COL23A1: variants seen among roughly 807,000 people sequenced by gnomAD.
The protein encoded by COL23A1 is collagen alpha-1(XXIII) chain.
A neutral mutation model predicts 99.3 loss-of-function variants in COL23A1; 97 were observed. The observed-to-expected ratio is 0.98, with a 90% CI of 0.83 to 1.16. COL23A1 has a LOEUF of 1.16. Among genes scored for constraint, COL23A1 ranks in the 50% most tolerant of loss-of-function variants. The pLI is 0.00. For missense variants in COL23A1, 762 were observed against 757.4 expected, an observed-to-expected ratio of 1.01 and a Z score of -0.07; for synonymous variants, 320 against 308.2, an observed-to-expected ratio of 1.04 and a Z score of -0.40.
Position 178,544,961 on chromosome 5 carries a change from G to A in COL23A1, c.361+15721C>T, listed in dbSNP as rs1025418525. ...AAAATTTAGCCAGGTGTGGTGGCAC[G>A]TGCCTGTAGTCCCAGCTACTTGGGA... On this transcript the variant is annotated intron_variant, in intron 2 of 28. Coordinates refer to ENST00000390654, the MANE Select transcript of COL23A1 (RefSeq NM_173465.4). This position sits in a 1 kb window ranked among gnomAD's most constrained non-coding sequence, Gnocchi z 4.4. 2.0e-5 allele frequency among the ~76,000 whole-genome samples: 3 copies of A among 152,116 alleles called. No homozygotes were observed. The highest frequency in any genetic ancestry group is 4.1e-4 in the South Asian group (2 of 4,820).
intron 1 of COL23A1, among the ~76,000 whole-genome samples, chr5:178,566,529 A>G (rs1355118890): frequency 6.6e-6 from 1 of 152,194 alleles, no homozygotes; most frequent in Non-Finnish European, 1.5e-5. Flanking sequence ...GAAAACTCTA[A>G]GGCTGGCCAG....
rs1345431888 is a variant in COL23A1 at position 178,544,514 on chromosome 5, C to T, written c.361+16168G>A. ...CACCTGCCCCAGAAAACAGCAAGAC[C>T]GGTGGCCACCCCCGCTGTGAGTACT... On this transcript the variant is annotated intron_variant, in intron 2 of 28. Coordinates refer to ENST00000390654, the MANE Select transcript of COL23A1 (RefSeq NM_173465.4). The surrounding 1 kb of genome is among the most constrained non-coding windows in gnomAD (Gnocchi z 4.4). Among the ~76,000 whole-genome samples the T allele has an allele frequency of 1.3e-5, 2 of 152,146 alleles. No homozygotes were observed. Among genetic ancestry groups the T allele is most frequent in the East Asian group, 1.9e-4 (1 of 5,186 alleles).
intron 5 of COL23A1, among the ~76,000 whole-genome samples, chr5:178,282,106 C>G (rs1282119679): frequency 6.6e-6 from 1 of 150,822 alleles, no homozygotes; most frequent in African/African-American, 2.4e-5. Context: ...TGAGCATGCC[C>G]TGCTCCGTTC....
At chr5:178,520,564 A>G (rs1269153404) in intron 2 of COL23A1, among the ~76,000 whole-genome samples, 1 of 152,202 alleles carries the variant, frequency 6.6e-6, no homozygotes, top group Non-Finnish European at 1.5e-5. Context: ...CCCATCCATG[A>G]TCAATGAGAC....
Position 178,464,598 on chromosome 5 carries a change from C to T in COL23A1, c.361+96084G>A, listed in dbSNP as rs185116236. Among the ~76,000 whole-genome samples, 559 of 152,308 alleles carry T rather than the reference C, an allele frequency of 3.7e-3. 1 individual carries two copies. Among genetic ancestry groups the T allele is most frequent in the African/African-American group, 0.013 (543 of 41,568 alleles). On this transcript the variant is annotated intron_variant, in intron 2 of 28. Coordinates refer to ENST00000390654, the MANE Select transcript of COL23A1 (RefSeq NM_173465.4). The stretch of plus-strand genomic sequence containing the variant: ...CCAGGTTACCTGTGAAGGCTGCGGC[C>T]GTCACTCAGCCCTGACGTGGAAGTG...
chr5:178,369,483 A>G (rs1252829027), intron 2 of COL23A1, among the ~76,000 whole-genome samples: 2 of 152,190 alleles, frequency 1.3e-5, no homozygotes, highest in Non-Finnish European at 2.9e-5. Context: ...TTACAATAAT[A>G]AAGTTAGTCC....
At chr5:178,414,507 C>T (rs1765206180) in intron 2 of COL23A1, among the ~76,000 whole-genome samples, 1 of 152,076 alleles carries the variant, frequency 6.6e-6, no homozygotes, top group South Asian at 2.1e-4. Flanking sequence ...TGTGGTGGCT[C>T]ACGCCTGTGA....
At chr5:178,542,020 A>G (rs1761317746) in intron 2 of COL23A1, among the ~76,000 whole-genome samples, 1 of 152,130 alleles carries the variant, frequency 6.6e-6, no homozygotes, top group South Asian at 2.1e-4. Flanking sequence ...GTAGCAGGTT[A>G]CATCTTTTTA....
chr5:178,259,808 C>T lies in COL23A1; in HGVS notation c.703-61G>A, dbSNP rs1021265515. ...AAAACCATAGGAGAGTGGCCCGGAC[C>T]CCGGACCTCTTGTTCCTCGGGTAGA... On this transcript the variant is annotated intron_variant, in intron 11 of 28. Coordinates refer to ENST00000390654, the MANE Select transcript of COL23A1 (RefSeq NM_173465.4). 3.3e-6 allele frequency: 5 copies of T among 1,501,426 alleles called. No individual in the cohort carries two copies. In the African/African-American group the frequency reaches 6.9e-5, roughly 21 times the overall value. The allele number at this position is 1,501,426 out of a possible 1,614,324, so 93.0% of individuals were successfully genotyped here.
chr5:178,302,089 G>A (rs1758082912), intron 3 of COL23A1, among the ~76,000 whole-genome samples: 2 of 141,076 alleles, frequency 1.4e-5, no homozygotes, highest in Non-Finnish European at 3.1e-5. Context: ...TGTGTGTGCC[G>A]GAGCACGGCT....
At chr5:178,320,632 A>T (rs971810998) in intron 2 of COL23A1, among the ~76,000 whole-genome samples, 3 of 152,186 alleles carry the variant, frequency 2.0e-5, no homozygotes, top group Admixed American at 1.3e-4. Context: ...CTATGAGGCT[A>T]CAAGGCCCGC....
chr5:178,250,199 A>G, intron 17 of COL23A1, 94 bp from the exon 18 acceptor site: 1 of 1,469,622 alleles, frequency 6.8e-7, no homozygotes, highest in Non-Finnish European at 9.4e-7. Context: ...CACCCGGCCC[A>G]GGGTGGGTCT....
At chr5:178,303,165 A>T (rs1758165720) in intron 3 of COL23A1, among the ~76,000 whole-genome samples, 1 of 152,032 alleles carries the variant, frequency 6.6e-6, no homozygotes, top group African/African-American at 2.4e-5. Flanking sequence ...ATGCCTGGCT[A>T]ATTTTTGTAT....
chr5:178,482,350 A>T (rs1385554763), intron 2 of COL23A1, among the ~76,000 whole-genome samples: 1 of 152,190 alleles, frequency 6.6e-6, no homozygotes, highest in African/African-American at 2.4e-5. Context: ...TTTTGAAAGA[A>T]GCCAGACACA....
At chr5:178,508,210 A>T (rs2127991925) in intron 2 of COL23A1, among the ~76,000 whole-genome samples, 1 of 152,202 alleles carries the variant, frequency 6.6e-6, no homozygotes, top group East Asian at 1.9e-4. Flanking sequence ...TTTTGTTTGT[A>T]TCTTTTCCAT....
chr5:178,334,261 G>A (rs979763776), intron 2 of COL23A1, among the ~76,000 whole-genome samples: 2 of 152,202 alleles, frequency 1.3e-5, no homozygotes, highest in African/African-American at 4.8e-5. Flanking sequence ...AGTGCTGGGT[G>A]TGTCCACATC....
chr5:178,490,113 G>GTAATCCCAAC (rs1235082843), intron 2 of COL23A1, among the ~76,000 whole-genome samples: 64 of 152,026 alleles, frequency 4.2e-4, no homozygotes, highest in African/African-American at 1.3e-3. Flanking sequence ...GTGGGCGCCT[G>GTAATCCCAAC]TACTCAGGAG....
intron 1 of COL23A1, among the ~76,000 whole-genome samples, chr5:178,582,571 C>T (rs1374892317): frequency 2.0e-5 from 3 of 152,198 alleles, no homozygotes; most frequent in Non-Finnish European, 2.9e-5. Flanking sequence ...GGGCTCACAG[C>T]GCACCCCTGG....
At chr5:178,391,482 G>A (rs1763960062) in intron 2 of COL23A1, among the ~76,000 whole-genome samples, 1 of 152,156 alleles carries the variant, frequency 6.6e-6, no homozygotes, top group Non-Finnish European at 1.5e-5. Context: ...GAAGACATAG[G>A]AAACGTCATT....
Sources: allele counts gnomAD v4.1 joint callset (sites outside exome capture counted in the v4.1 genomes callset), GRCh38; gene constraint gnomAD v4.1.1; non-coding constraint Gnocchi (gnomAD v3.1); transcripts MANE v1.5; gene names NCBI Gene and HGNC (gene_info 2026-07-23, HGNC 2026-07-21).